The following PRKAG2 variants were observed in gnomAD, a reference collection of about 807,000 sequenced individuals.
The protein encoded by PRKAG2 is protein kinase AMP-activated non-catalytic subunit gamma 2.
In PRKAG2, 26 loss-of-function variants were observed where a neutral mutation model predicts 69.6. The observed-to-expected ratio is 0.37, with a 90% CI of 0.27 to 0.52. The LOEUF is 0.52. PRKAG2 is among the 20% of genes least tolerant of loss of function. The pLI is 0.90. For synonymous variants in PRKAG2, 293 were observed against 285.0 expected (o/e 1.03, Z -0.28); for missense variants, 557 against 740.0 (o/e 0.75, Z 2.87).
At chr7:151,759,878 G>A (rs959639562) in intron 3 of PRKAG2, among the ~76,000 whole-genome samples, 1 of 152,214 alleles carries the variant, frequency 6.6e-6, no homozygotes, top group Non-Finnish European at 1.5e-5. Context: ...GAAAATAAAG[G>A]TGAAAAGGCA....
chr7:151,596,440 T>C (rs780242709), intron 5 of PRKAG2, among the ~76,000 whole-genome samples: 3 of 152,150 alleles, frequency 2.0e-5, no homozygotes, highest in Non-Finnish European at 4.4e-5. Flanking sequence ...GTGAAAACTA[T>C]AAAACACTGA....
At chr7:151,750,524 T>C (rs556776303) in intron 3 of PRKAG2, among the ~76,000 whole-genome samples, 10 of 152,200 alleles carry the variant, frequency 6.6e-5, no homozygotes, top group Non-Finnish European at 1.3e-4. Context: ...CATGGGGTTC[T>C]GTTTCTGTGA....
intron 3 of PRKAG2, among the ~76,000 whole-genome samples, chr7:151,731,535 T>TGC (rs1554572174): frequency 2.6e-5 from 4 of 151,580 alleles, no homozygotes; most frequent in Admixed American, 1.3e-4. Context: ...TGTGTGTGTG[T>TGC]GCGCACAGGT....
intron 3 of PRKAG2, among the ~76,000 whole-genome samples, chr7:151,711,740 C>T (rs1563496377): frequency 6.6e-6 from 1 of 152,232 alleles, no homozygotes; most frequent in Non-Finnish European, 1.5e-5. Context: ...AGAACAGGCT[C>T]TCCATCACAG....
chr7:151,748,157 G>A (rs1023092721), intron 3 of PRKAG2, among the ~76,000 whole-genome samples: 1 of 152,098 alleles, frequency 6.6e-6, no homozygotes, highest in African/African-American at 2.4e-5. Flanking sequence ...TTGGACTCAA[G>A]TGATCCGCCC....
At chr7:151,582,875 G>A (rs1810822225) in intron 6 of PRKAG2, among the ~76,000 whole-genome samples, 1 of 152,192 alleles carries the variant, frequency 6.6e-6, no homozygotes, top group African/African-American at 2.4e-5. Flanking sequence ...TGGGGCTAAT[G>A]GATATTTCCT....
intron 3 of PRKAG2, among the ~76,000 whole-genome samples, chr7:151,708,547 G>A (rs1167043381): frequency 1.3e-5 from 2 of 152,172 alleles, no homozygotes; most frequent in Non-Finnish European, 2.9e-5. Flanking sequence ...TTCAGCCACC[G>A]AGCCAGCCAG....
intron 6 of PRKAG2, among the ~76,000 whole-genome samples, chr7:151,578,322 G>C (rs930187813): frequency 6.6e-6 from 1 of 152,192 alleles, no homozygotes; most frequent in Admixed American, 6.5e-5. Context: ...TCCAGCCTGA[G>C]TGAAGAGTGA....
intron 1 of PRKAG2, among the ~76,000 whole-genome samples, chr7:151,855,031 G>GCTCCACACACACCGCC (rs2079681722): frequency 2.6e-4 from 3 of 11,734 alleles, no homozygotes; most frequent in East Asian, 2.7e-3. Context: ...CACACACCAT[G>GCTCCACACACACCGCC]CTCCACACAC....
rs910861834 is a variant in PRKAG2, at chr7:151,836,398, G to T, written c.114+40109C>A. ...GGCTGCCCCAGGCCAGCTGGTCCAG[G>T]CAGCTTCCCTGATCACCGCAGTGAC... On this transcript the variant is annotated intron_variant, in intron 1 of 15. Coordinates refer to ENST00000287878, the MANE Select transcript of PRKAG2 (RefSeq NM_016203.4). This position sits in a 1 kb window ranked among gnomAD's most constrained non-coding sequence, Gnocchi z 4.1. 1.3e-5 allele frequency among the ~76,000 whole-genome samples: 2 copies of T among 152,212 alleles called. No homozygotes were observed. Among genetic ancestry groups the T allele is most frequent in the Non-Finnish European group, 2.9e-5 (2 of 68,034 alleles).
intron 1 of PRKAG2, among the ~76,000 whole-genome samples, chr7:151,870,146 TAGATAGATAGGC>T (rs1177796212): frequency 4.1e-4 from 54 of 132,442 alleles, no homozygotes; most frequent in African/African-American, 8.0e-4. Flanking sequence ...GATAGATAGA[TAGATAGATAGGC>T]AGGCAGGCAG....
intron 4 of PRKAG2, among the ~76,000 whole-genome samples, chr7:151,657,315 A>G (rs543144497): frequency 1.3e-5 from 2 of 152,320 alleles, no homozygotes; most frequent in Admixed American, 1.3e-4. Context: ...CTCTCTCGGT[A>G]GTTCTGGCTC....
At chr7:151,832,147 A>T (rs934963682) in intron 1 of PRKAG2, among the ~76,000 whole-genome samples, 45 of 151,762 alleles carry the variant, frequency 3.0e-4, no homozygotes, top group African/African-American at 1.1e-3. Context: ...CCCTCCCAGA[A>T]TGCTTGAAAT....
In PRKAG2 at chr7:151,788,509, C is replaced by A. The variant is rs75274110; in HGVS notation, c.115-1968G>T. Among the ~76,000 whole-genome samples the A allele has an allele frequency of 7.8e-3, 1,194 of 152,298 alleles. 18 individuals carry two copies. Among genetic ancestry groups the A allele is most frequent in the African/African-American group, 0.027 (1,140 of 41,560 alleles). ...GAGAAATGTCTATTCAACTCCTTTG[C>A]CCATTTTTTAATTGGGTTGATTGTG... On this transcript the variant is annotated intron_variant, in intron 1 of 15. Transcript: ENST00000287878. This position sits in a 1 kb window ranked among gnomAD's most constrained non-coding sequence, Gnocchi z 4.6.
chr7:151,872,932 G>A (rs2080254602), intron 1 of PRKAG2, among the ~76,000 whole-genome samples: 1 of 152,226 alleles, frequency 6.6e-6, no homozygotes, highest in Non-Finnish European at 1.5e-5. Context: ...AGGCAGCATT[G>A]CCAGATCAAA....
At chr7:151,872,416 TA>T (rs146290244) in intron 1 of PRKAG2, among the ~76,000 whole-genome samples, 295 of 152,330 alleles carry the variant, frequency 1.9e-3, no homozygotes, top group African/African-American at 6.8e-3. Context: ...AATGGCTTCT[TA>T]GTTCAGGTCC....
chr7:151,600,890 T>C (rs967103361), intron 5 of PRKAG2, among the ~76,000 whole-genome samples: 3 of 152,220 alleles, frequency 2.0e-5, no homozygotes, highest in Non-Finnish European at 2.9e-5. Context: ...ACTTAACTGA[T>C]GTGACAACCT....
chr7:151,756,034 C>A lies in PRKAG2; in HGVS notation c.466+25118G>T, dbSNP rs944971324. Among the ~76,000 whole-genome samples, 4 of 152,168 alleles carry A rather than the reference C, an allele frequency of 2.6e-5. No individual in the cohort carries two copies. In the East Asian group the frequency reaches 7.7e-4, roughly 29 times the overall value. On this transcript the variant is annotated intron_variant, in intron 3 of 15. Transcript: ENST00000287878. This position sits in a 1 kb window ranked among gnomAD's most constrained non-coding sequence, Gnocchi z 4.9. Reference sequence around the variant, plus strand: ...CGCAAACACAAATACTTCCACTGCCCTCTCCCGCCTCCTCTCCCATCCCCC... The same window carrying A: ...CGCAAACACAAATACTTCCACTGCCATCTCCCGCCTCCTCTCCCATCCCCC...
At chr7:151,806,703 C>T in intron 1 of PRKAG2, 1 of 253,872 alleles carries the variant, frequency 3.9e-6, no homozygotes, top group Middle Eastern at 1.1e-3. Flanking sequence ...TACAGTGGCT[C>T]ACACCTGTAA....
Sources: allele counts gnomAD v4.1 joint callset (sites outside exome capture counted in the v4.1 genomes callset), GRCh38; gene constraint gnomAD v4.1.1; non-coding constraint Gnocchi (gnomAD v3.1); transcripts MANE v1.5; gene names NCBI Gene and HGNC (gene_info 2026-07-23, HGNC 2026-07-21).